Variants in TTLL5 observed in about 807,000 individuals in gnomAD.
The protein encoded by TTLL5 is tubulin tyrosine ligase like 5.
TTLL5 carries 132 observed loss-of-function variants against 168.4 expected under a neutral mutation model. The ratio of observed to expected loss-of-function variants is 0.78; its 90% confidence interval spans 0.68 to 0.91. The LOEUF is 0.91. TTLL5 is among the 40% of genes least tolerant of loss of function. The pLI is 0.00. For synonymous variants in TTLL5, 546 were observed against 558.6 expected, an observed-to-expected ratio of 0.98 and a Z score of 0.32; for missense variants, 1,545 against 1,581.5, an observed-to-expected ratio of 0.98 and a Z score of 0.39.
rs2035056960 is a variant in TTLL5 at position 75,954,590 on chromosome 14, G to A, written c.*144G>A. 4 of 811,406 alleles carry A rather than the reference G, an allele frequency of 4.9e-6. No homozygotes were observed. Among genetic ancestry groups the A allele is most frequent in the Admixed American group, 4.6e-5 (2 of 43,360 alleles). The allele number at this position is 811,406 out of a possible 1,614,324, so 50.3% of individuals were successfully genotyped here. A position where few individuals can be genotyped will look rare whatever the true frequency, so the allele number is the denominator to read the frequency against. ...CCAAAGCCTTCGAGCAGAAGTGGCA[G>A]TAGATGGTTGCCAATCAGCCAATGC... On this transcript the variant is annotated 3_prime_UTR_variant, in exon 32 of 32. Transcript: ENST00000298832.
chr14:75,827,807 C>T (rs1410656826), intron 28 of TTLL5, among the ~76,000 whole-genome samples: 1 of 145,220 alleles, frequency 6.9e-6, no homozygotes, highest in African/African-American at 2.5e-5. Flanking sequence ...GCAGCCTCTG[C>T]CTCCTCAGGC....
intron 31 of TTLL5, among the ~76,000 whole-genome samples, chr14:75,931,654 G>T (rs1314035089): frequency 1.3e-5 from 2 of 152,062 alleles, no homozygotes; most frequent in Non-Finnish European, 2.9e-5. Flanking sequence ...CCTTTAAAGT[G>T]CAAACTCTGT....
intron 28 of TTLL5, among the ~76,000 whole-genome samples, chr14:75,848,763 T>C (rs1896688958): frequency 6.6e-6 from 1 of 152,256 alleles, no homozygotes; most frequent in African/African-American, 2.4e-5. Context: ...AGGGAGTCTC[T>C]ATCTCCATAA....
chr14:75,926,486 C>A (rs1051202310), intron 31 of TTLL5, among the ~76,000 whole-genome samples: 1 of 152,050 alleles, frequency 6.6e-6, no homozygotes, highest in African/African-American at 2.4e-5. Context: ...GTGGCTGGTA[C>A]CAACAACCCA....
At chr14:75,748,624 A>C (rs865904592) in intron 17 of TTLL5, among the ~76,000 whole-genome samples, 3 of 152,250 alleles carry the variant, frequency 2.0e-5, no homozygotes, top group Non-Finnish European at 4.4e-5. Flanking sequence ...GTATAGGCTC[A>C]GTGCCTTAAG....
chr14:75,705,325 T>C (rs1455183990), intron 7 of TTLL5, among the ~76,000 whole-genome samples: 1 of 152,200 alleles, frequency 6.6e-6, no homozygotes, highest in East Asian at 1.9e-4. Flanking sequence ...CTCATACTGG[T>C]TGTGTATAAT....
intron 27 of TTLL5, among the ~76,000 whole-genome samples, chr14:75,806,554 C>T (rs1893667359): frequency 6.6e-6 from 1 of 152,308 alleles, no homozygotes; most frequent in South Asian, 2.1e-4. Flanking sequence ...ATGCCTTATG[C>T]TATCTTCTCA....
At chr14:75,719,428 T>C (rs1245670283) in intron 10 of TTLL5, among the ~76,000 whole-genome samples, 1 of 152,248 alleles carries the variant, frequency 6.6e-6, no homozygotes, top group Non-Finnish European at 1.5e-5. Context: ...CTTAAATTTG[T>C]TTGCCTTCTT....
chr14:75,779,832 G>A, intron 24 of TTLL5, 130 bp downstream of exon 24: 2 of 837,008 alleles, frequency 2.4e-6, no homozygotes, highest in Non-Finnish European at 3.4e-6. Context: ...TTGCAGCTTG[G>A]GGAGGGAGTG....
intron 18 of TTLL5, among the ~76,000 whole-genome samples, chr14:75,759,375 A>G (rs1413221318): frequency 6.6e-6 from 1 of 152,140 alleles, no homozygotes; most frequent in African/African-American, 2.4e-5. Flanking sequence ...CTGTTGAGAA[A>G]ATTGAAATTG....
intron 28 of TTLL5, among the ~76,000 whole-genome samples, chr14:75,855,205 A>G (rs1897072704): frequency 6.6e-6 from 1 of 152,066 alleles, no homozygotes; most frequent in African/African-American, 2.4e-5. Flanking sequence ...AGTTTCTTCA[A>G]CAACAAAAAC....
chr14:75,894,381 A>G (rs2032551397), intron 30 of TTLL5, among the ~76,000 whole-genome samples: 1 of 152,126 alleles, frequency 6.6e-6, no homozygotes, highest in Admixed American at 6.5e-5. Flanking sequence ...GTGAATCCCC[A>G]TCTCTACTAA....
At chr14:75,667,522 G>T (rs1883352476) in intron 2 of TTLL5, among the ~76,000 whole-genome samples, 1 of 152,120 alleles carries the variant, frequency 6.6e-6, no homozygotes, top group South Asian at 2.1e-4. Context: ...TGCTAAAAAA[G>T]GTACCCTATC....
At chr14:75,712,977 T>C (rs75335670) in intron 9 of TTLL5, among the ~76,000 whole-genome samples, 1 of 152,292 alleles carries the variant, frequency 6.6e-6, no homozygotes, top group African/African-American at 2.4e-5. Flanking sequence ...GTTTCAAATT[T>C]AACAAAGAAA....
intron 5 of TTLL5, among the ~76,000 whole-genome samples, chr14:75,686,103 TAGAA>T (rs1344269803): frequency 3.3e-5 from 5 of 152,170 alleles, no homozygotes; most frequent in Admixed American, 6.5e-5. Context: ...TCTGAACTCA[TAGAA>T]AGAAATTTGA....
chr14:75,792,662 C>A (rs1892793857), intron 26 of TTLL5, among the ~76,000 whole-genome samples: 1 of 152,090 alleles, frequency 6.6e-6, no homozygotes, highest in African/African-American at 2.4e-5. Flanking sequence ...GAAAATTCTT[C>A]TTTGTGAAGC....
At chr14:75,870,985 A>C (rs2030985852) in intron 29 of TTLL5, among the ~76,000 whole-genome samples, 1 of 151,928 alleles carries the variant, frequency 6.6e-6, no homozygotes, top group African/African-American at 2.4e-5. Context: ...TAGTAGAGAC[A>C]GGGTTTCACT....
chr14:75,917,398 T>C (rs1595264790), intron 31 of TTLL5, among the ~76,000 whole-genome samples: 1 of 152,336 alleles, frequency 6.6e-6, no homozygotes, highest in Admixed American at 6.5e-5. Flanking sequence ...TGCTTCTTCA[T>C]CTGAAAACTC....
At chr14:75,886,799 A>C (rs1334318551) in intron 30 of TTLL5, 1 of 1,589,078 alleles carries the variant, frequency 6.3e-7, no homozygotes, top group East Asian at 2.2e-5. Context: ...CATGCATCTG[A>C]ACTGTCTCTT....
Sources: gnomAD v4.1 joint callset for allele counts (sites outside exome capture counted in the v4.1 genomes callset) on GRCh38, gnomAD v4.1.1 for gene constraint, MANE v1.5 for transcripts, NCBI Gene and HGNC (gene_info 2026-07-23, HGNC 2026-07-21) for gene names.